Variants in CDH26 observed in about 807,000 individuals in gnomAD.
The protein encoded by CDH26 is cadherin-like protein 26.
A neutral mutation model predicts 90.3 loss-of-function variants in CDH26; 83 were observed. The ratio of observed to expected loss-of-function variants is 0.92; its 90% confidence interval spans 0.77 to 1.10. The LOEUF (loss-of-function observed/expected upper bound fraction) is 1.10, where lower values mean the gene tolerates loss of function less well. Among genes scored for constraint, CDH26 ranks in the 50% least tolerant of loss-of-function variants. CDH26 has a pLI of 0.00. For synonymous variants in CDH26, 397 were observed against 396.3 expected (o/e 1.00, Z -0.02); for missense variants, 1,013 against 1,037.6 (o/e 0.98, Z 0.33).
At chr20:59,965,039 A>G (rs1035558387) in intron 1 of CDH26, among the ~76,000 whole-genome samples, 1 of 152,278 alleles carries the variant, frequency 6.6e-6, no homozygotes, top group Non-Finnish European at 1.5e-5. Context: ...CCCTTAATTT[A>G]AAACTACTGA....
At chr20:60,008,839 G>A (rs1415393298) in intron 17 of CDH26, among the ~76,000 whole-genome samples, 6 of 152,214 alleles carry the variant, frequency 3.9e-5, no homozygotes, top group Non-Finnish European at 7.3e-5. Context: ...GTGCTGCCTG[G>A]CACCTGCTTC....
At chr20:60,000,421 G>T (rs2061660874) in intron 14 of CDH26, among the ~76,000 whole-genome samples, 1 of 152,190 alleles carries the variant, frequency 6.6e-6, no homozygotes, top group South Asian at 2.1e-4. Flanking sequence ...AGGAGGGCTG[G>T]GTTCGCCGTG....
rs369382469 is a variant in CDH26 at position 59,958,796 on chromosome 20, G to A, written c.69+1G>A. 1.2e-6 allele frequency: 2 copies of A among 1,613,350 alleles called. No individual in the cohort carries two copies. Among genetic ancestry groups the A allele is most frequent in the Admixed American group, 1.7e-5 (1 of 59,914 alleles). On this transcript the variant is annotated splice_donor_variant, in intron 1 of 17. Transcript: ENST00000348616. LOFTEE classifies it high-confidence loss of function. ...AGTGCTGCTGCTGTGGCTGCTGCAGGTAAGCTGAGCCTGCAGCCTAGTGCT... is the reference window on the plus strand; with the variant it reads ...AGTGCTGCTGCTGTGGCTGCTGCAGATAAGCTGAGCCTGCAGCCTAGTGCT...
At chr20:59,989,355 C>T (rs376835490) in intron 9 of CDH26, among the ~76,000 whole-genome samples, 192 bp downstream of exon 9, 6 of 151,470 alleles carry the variant, frequency 4.0e-5, no homozygotes, top group African/African-American at 9.7e-5. Context: ...GGTGAAACCC[C>T]GTCTCTACTA....
intron 1 of CDH26, among the ~76,000 whole-genome samples, chr20:59,967,843 TTCTTTCTTTC>T (rs2061174333): frequency 2.0e-5 from 2 of 98,544 alleles, no homozygotes; most frequent in Admixed American, 2.0e-4. Flanking sequence ...CTTTCTTTCT[TTCTTTCTTTC>T]TTTCTTTCTT....
chr20:60,002,845 G>GA lies in CDH26; in HGVS notation c.2204dup (p.Asn735LysfsTer42), dbSNP rs751640721. The GA allele has an allele frequency of 1.3e-6, 2 of 1,599,312 alleles. No homozygotes were observed. Among genetic ancestry groups the GA allele is most frequent in the South Asian group, 2.3e-5 (2 of 88,058 alleles). ...GCAAGCCCTTTGAGCCAAGAAGTGT[G>GA]AAAAACATACACTCTACTCCTGTAA... On this transcript the variant is annotated frameshift_variant, in exon 16 of 18. Coordinates refer to ENST00000348616, the MANE Select transcript of CDH26 (RefSeq NM_177980.4). LOFTEE classifies it high-confidence loss of function.
In CDH26 at chr20:59,967,184, A is replaced by T. The variant is rs1464757617; in HGVS notation, c.70-1783A>T. 2.6e-5 allele frequency among the ~76,000 whole-genome samples: 4 copies of T among 152,200 alleles called. No individual in the cohort carries two copies. The East Asian group carries it at 7.7e-4, about 29-fold the overall frequency. Reference sequence around the variant, plus strand: ...GGATGAGAGTTACTTCTGAGGAAAAAGTGAGATGAGGGAGGGGTACACAGG... The same window carrying T: ...GGATGAGAGTTACTTCTGAGGAAAATGTGAGATGAGGGAGGGGTACACAGG... On this transcript the variant is annotated intron_variant, in intron 1 of 17. Transcript: ENST00000348616.
intron 7 of CDH26, among the ~76,000 whole-genome samples, chr20:60,021,871 C>CACACACACACACACACAT (rs2061957540): frequency 2.8e-5 from 3 of 105,978 alleles, no homozygotes; most frequent in East Asian, 2.2e-4. Context: ...CACACACACA[C>CACACACACACACACACAT]ACACACACAC....
At chr20:60,011,233 G>A (rs552860784) in intron 17 of CDH26, among the ~76,000 whole-genome samples, 3 of 152,282 alleles carry the variant, frequency 2.0e-5, no homozygotes, top group South Asian at 2.1e-4. Flanking sequence ...TGAGCAGCTG[G>A]GCTGTAGGGG....
intron 3 of CDH26, among the ~76,000 whole-genome samples, chr20:59,971,716 TA>T (rs1461083566): frequency 4.6e-5 from 7 of 152,224 alleles, no homozygotes; most frequent in African/African-American, 1.7e-4. Context: ...ATCATTATAT[TA>T]TTTTTTTCAT....
In CDH26 at chr20:59,967,234, T is replaced by C. The variant is rs1348613158; in HGVS notation, c.70-1733T>C. Among the ~76,000 whole-genome samples, 3 of 152,306 alleles carry C rather than the reference T, an allele frequency of 2.0e-5. No homozygotes were observed. The East Asian group carries it at 5.8e-4, about 29-fold the overall frequency. On this transcript the variant is annotated intron_variant, in intron 1 of 17. Coordinates refer to ENST00000348616, the MANE Select transcript of CDH26 (RefSeq NM_177980.4). ...GAAGTTTCAATTTTATCTGTAACGA[T>C]TTACATCTCAACACTTCGAAGCAAA...
rs146208196 is a variant in CDH26 at position 59,993,360 on chromosome 20, T to C, written c.1426+840T>C. On this transcript the variant is annotated intron_variant, in intron 10 of 17. Transcript: ENST00000348616. Reference sequence around the variant, plus strand: ...GGTGAAGTCTAAGATTTTAGTGCACTGGTCACCTGAGTAGAGTACCTTGTA... The same window carrying C: ...GGTGAAGTCTAAGATTTTAGTGCACCGGTCACCTGAGTAGAGTACCTTGTA... Among the ~76,000 whole-genome samples, 430 of 152,296 alleles carry C rather than the reference T, an allele frequency of 2.8e-3. 5 individuals are homozygous for C. The highest frequency in any genetic ancestry group is 9.4e-3 in the African/African-American group (391 of 41,576).
chr20:59,966,231 T>TAAAAAAAAAAAAAAAAAAAAAA (rs60088029), intron 1 of CDH26, among the ~76,000 whole-genome samples: 1 of 76,266 alleles, frequency 1.3e-5, no homozygotes, highest in African/African-American at 6.3e-5. Flanking sequence ...GGTGTTGCAT[T>TAAAAAAAAAAAAAAAAAAAAAA]AAAAAAAAAA....
intron 7 of CDH26, among the ~76,000 whole-genome samples, chr20:60,021,881 C>CAG (rs1239688332): frequency 1.1e-5 from 1 of 86,968 alleles, no homozygotes; most frequent in African/African-American, 3.9e-5. Flanking sequence ...CACACACACA[C>CAG]ACACACACAC....
chr20:60,032,251 G>A (rs1192386409), intron 8 of CDH26, among the ~76,000 whole-genome samples: 3 of 152,186 alleles, frequency 2.0e-5, no homozygotes, highest in Non-Finnish European at 4.4e-5. Flanking sequence ...AGTCCAGTAA[G>A]TGCACAATTT....
chr20:59,976,511 G>A (rs865926926), intron 4 of CDH26, among the ~76,000 whole-genome samples: 4 of 152,338 alleles, frequency 2.6e-5, no homozygotes, highest in Middle Eastern at 6.8e-3. Context: ...TTAAATGGAA[G>A]GAGTACAGTT....
chr20:59,977,464 G>A (rs1205622065), intron 4 of CDH26, among the ~76,000 whole-genome samples: 2 of 151,826 alleles, frequency 1.3e-5, no homozygotes, highest in Admixed American at 1.3e-4. Context: ...AGCCTGATTC[G>A]ACTTGCTTTT....
chr20:59,962,933 A>G (rs150722297), intron 1 of CDH26, among the ~76,000 whole-genome samples: 209 of 152,344 alleles, frequency 1.4e-3, no homozygotes, highest in African/African-American at 4.9e-3. Context: ...AAGCTATGCT[A>G]TCAGTCTGGG....
At chr20:60,009,964 C>T (rs1336064016) in intron 17 of CDH26, among the ~76,000 whole-genome samples, 1 of 152,132 alleles carries the variant, frequency 6.6e-6, no homozygotes, top group Non-Finnish European at 1.5e-5. Flanking sequence ...CCCCCAGCTC[C>T]CCCATGCCAT....
Sources: allele counts gnomAD v4.1 joint callset (sites outside exome capture counted in the v4.1 genomes callset), GRCh38; gene constraint gnomAD v4.1.1; transcripts MANE v1.5; gene names NCBI Gene and HGNC (gene_info 2026-07-23, HGNC 2026-07-21).